Variants in SLC22A5 observed in about 807,000 individuals in gnomAD.
SLC22A5 encodes organic cation/carnitine transporter 2.
Under a neutral mutation model 56.7 loss-of-function variants are expected in SLC22A5, and 44 were observed. The ratio of observed to expected loss-of-function variants is 0.78; its 90% CI spans 0.61 to 1.00. The LOEUF (loss-of-function observed/expected upper bound fraction) is 1.00. Ranked by LOEUF, SLC22A5 falls within the 50% of genes least tolerant of loss-of-function variation. SLC22A5 has a pLI of 0.00. For missense variants in SLC22A5, 675 were observed against 723.0 expected, an observed-to-expected ratio of 0.93 and a Z score of 0.76; for synonymous variants, 278 against 292.1, an observed-to-expected ratio of 0.95 and a Z score of 0.49.
At position 132,394,883 on chromosome 5, in the gene SLC22A5, T is replaced by A. The variant is rs1752824885; in HGVS notation, c.*611T>A. The stretch of plus-strand genomic sequence containing the variant: ...CAAAGTGCACTGATGTGTGAGCTCT[T>A]AAGACCACTCAGCATGACGACTGAG... On this transcript the variant is annotated 3_prime_UTR_variant, in exon 10 of 10. Coordinates refer to ENST00000245407, the MANE Select transcript of SLC22A5 (RefSeq NM_003060.4). 6.4e-6 allele frequency: 1 copy of A among 156,288 alleles called. No individual in the cohort carries two copies. Among genetic ancestry groups the A allele is most frequent in the Non-Finnish European group, 1.4e-5 (1 of 70,594 alleles). 9.7% of individuals were successfully genotyped at this position (156,288 alleles called of 1,614,324 possible).
intron 2 of SLC22A5, chr5:132,383,024 G>T (rs886084976): frequency 6.6e-6 from 1 of 152,072 alleles, no homozygotes; most frequent in East Asian, 1.9e-4. Context: ...AAATGAGCAC[G>T]GATACAGAAA....
At chr5:132,387,779 C>T (rs1050594354) in intron 5 of SLC22A5, 1 of 161,680 alleles carries the variant, frequency 6.2e-6, no homozygotes, top group African/African-American at 2.4e-5. Context: ...TTGGCTCTAC[C>T]TAGTTCCTGG....
chr5:132,372,895 C>T (rs1410545784), intron 1 of SLC22A5, among the ~76,000 whole-genome samples: 1 of 152,182 alleles, frequency 6.6e-6, no homozygotes, highest in Admixed American at 6.5e-5. Context: ...GCCCTCTGCC[C>T]CAAATCATAC....
intron 5 of SLC22A5, among the ~76,000 whole-genome samples, chr5:132,388,631 T>C (rs906400084): frequency 1.3e-5 from 2 of 152,032 alleles, no homozygotes; most frequent in African/African-American, 2.4e-5. Flanking sequence ...CAGGAATATG[T>C]GGGGGTGCAG....
chr5:132,385,610 A>G (rs1477339418), intron 4 of SLC22A5, 111 bp downstream of exon 4: 2 of 872,074 alleles, frequency 2.3e-6, no homozygotes, highest in Non-Finnish European at 3.8e-6. Context: ...CAGAGACAGG[A>G]AGCATAGATT....
intron 1 of SLC22A5, chr5:132,378,113 A>G: frequency 5.2e-6 from 8 of 1,552,288 alleles, no homozygotes; most frequent in East Asian, 2.4e-5. Context: ...CAGGGTCAGC[A>G]TGTGGACAGA....
At chr5:132,393,372 AGAATAATCAGCATGGCCCAGAAATAG>A (rs1752772707) in intron 8 of SLC22A5, among the ~76,000 whole-genome samples, 2 of 152,210 alleles carry the variant, frequency 1.3e-5, no homozygotes, top group Non-Finnish European at 1.5e-5. Context: ...TTGGTAAATA[AGAATAATCAGCATGGCCCAGAAATAG>A]GAATAATCAG....
intron 6 of SLC22A5, chr5:132,389,444 G>A (rs1752633038): frequency 9.6e-6 from 3 of 313,100 alleles, no homozygotes; most frequent in African/African-American, 2.2e-5. Flanking sequence ...ATGTGGAAGT[G>A]GGATGTGCTC....
At chr5:132,378,160 GAAGC>G in intron 1 of SLC22A5, 1 of 1,571,408 alleles carries the variant, frequency 6.4e-7, no homozygotes, top group Non-Finnish European at 8.6e-7. Context: ...CCTCAAAATG[GAAGC>G]AAGACAGTGG....
At chr5:132,390,945 G>A (rs1752678220) in intron 7 of SLC22A5, 41 bp downstream of exon 7, 1 of 1,449,456 alleles carries the variant, frequency 6.9e-7, no homozygotes, top group Admixed American at 1.7e-5. Context: ...TCTTCACTGA[G>A]TCTCTTACTG....
At chr5:132,381,618 G>A (rs1752350873) in intron 2 of SLC22A5, 1 of 152,188 alleles carries the variant, frequency 6.6e-6, no homozygotes, top group Admixed American at 6.5e-5. Flanking sequence ...TCTGGCCTAT[G>A]AATATGTCTG....
Position 132,386,997 on chromosome 5 carries a change from T to C in SLC22A5, c.825-28T>C, listed in dbSNP as rs760161164. 6 of 1,613,650 alleles carry C rather than the reference T, an allele frequency of 3.7e-6. No individual in the cohort carries two copies. The African/African-American group carries it at 6.7e-5, about 18-fold the overall frequency. On this transcript the variant is annotated intron_variant, in intron 4 of 9. Transcript: ENST00000245407. Reference sequence around the variant, plus strand: ...TGGGTCTGCTGTTGGCAGGGAGGCCTCACTGAGATTGGACCTTGTACTGCC... The same window carrying C: ...TGGGTCTGCTGTTGGCAGGGAGGCCCCACTGAGATTGGACCTTGTACTGCC...
rs28383482 is a variant in SLC22A5, at chr5:132,393,793, A to G, written c.1568A>G (p.Gln523Arg). 110 of 1,614,048 alleles carry G rather than the reference A, an allele frequency of 6.8e-5. No individual in the cohort carries two copies. Among genetic ancestry groups the G allele is most frequent in the Non-Finnish European group, 8.7e-5 (103 of 1,180,026 alleles). Residue 523 changes from glutamine to arginine, a missense_variant, in exon 9 of 10, where the codon CAG becomes CGG. By Grantham distance (43) the Gln-to-Arg change is conservative (BLOSUM62 1). Transcript: ENST00000245407. ...FGTPLPDTID[Q>R]MLRVKGMKHR... ...ACCCCACTCCCAGACACCATTGACC[A>G]GATGCTAAGAGTCAAAGGGTAAGAA...
Position 132,382,799 on chromosome 5 carries a change from T to C in SLC22A5, c.498-1348T>C, listed in dbSNP as rs1752395550. On this transcript the variant is annotated intron_variant, in intron 2 of 9. Coordinates refer to ENST00000245407, the MANE Select transcript of SLC22A5 (RefSeq NM_003060.4). The stretch of plus-strand genomic sequence containing the variant: ...TGTTTCACCAGTTATACTATGACAC[T>C]CCTTAAGGGCAGAAACAGCATCTTT... 2.6e-5 allele frequency: 4 copies of C among 152,308 alleles called. No individual in the cohort carries two copies. The South Asian group carries it at 8.3e-4, about 32-fold the overall frequency. 9.4% of individuals were successfully genotyped at this position (152,308 alleles called of 1,614,324 possible).
At chr5:132,380,873 T>A (rs1752322303) in intron 2 of SLC22A5, 1 of 148,064 alleles carries the variant, frequency 6.8e-6, no homozygotes, top group Middle Eastern at 3.4e-3. Flanking sequence ...GTAGGATTTG[T>A]CAGCATATAG....
chr5:132,389,047 C>A, intron 6 of SLC22A5, 26 bp downstream of exon 6: 1 of 1,481,778 alleles, frequency 6.7e-7, no homozygotes, highest in Non-Finnish European at 9.4e-7. Flanking sequence ...CTGCCTGAGG[C>A]TTCCAGACAA....
rs148389152 is a variant in SLC22A5, at chr5:132,391,063, C to T, written c.1267+159C>T. 5.4e-3 allele frequency among the ~76,000 whole-genome samples: 822 copies of T among 152,330 alleles called. 32 individuals are homozygous for T. The highest frequency in any genetic ancestry group is 0.05 in the Admixed American group (766 of 15,298). On this transcript the variant is annotated intron_variant, in intron 7 of 9. Coordinates refer to ENST00000245407, the MANE Select transcript of SLC22A5 (RefSeq NM_003060.4). ...AATCAATAGAAAGTGTCTTCTGAGA[C>T]TAGAACACTTATGGCCTGGGCTTTG...
At chr5:132,387,177 G>C (rs756638712) in intron 5 of SLC22A5, 26 bp downstream of exon 5, 2 of 1,613,892 alleles carry the variant, frequency 1.2e-6, no homozygotes, top group Admixed American at 3.3e-5. Flanking sequence ...GTGTGGGTGA[G>C]AGGGACAGAC....
rs1363022288 is a variant in SLC22A5 at position 132,390,802 on chromosome 5, T to C, written c.1165T>C (p.Leu389=). 2 of 1,614,202 alleles carry C rather than the reference T, an allele frequency of 1.2e-6. No homozygotes were observed. Among genetic ancestry groups the C allele is most frequent in the South Asian group, 1.1e-5 (1 of 91,090 alleles). The change falls in exon 7 of 10, where the codon TTG becomes CTG. Residue 389 remains leucine (L), a synonymous_variant. Transcript: ENST00000245407. ...GATGGTTGAAGTCCCAGCATATGTG[T>C]TGGCCTGGCTGCTGCTGCAATATTT... ...SAMVEVPAYV[L]AWLLLQYLPR...
Sources: gnomAD v4.1 joint callset for allele counts (sites outside exome capture counted in the v4.1 genomes callset) on GRCh38, gnomAD v4.1.1 for gene constraint, MANE v1.5 for transcripts, NCBI Gene and HGNC (gene_info 2026-07-23, HGNC 2026-07-21) for gene names.